LGR6: variants seen among roughly 807,000 people sequenced by gnomAD.
The protein encoded by LGR6 is leucine-rich repeat-containing G protein-coupled receptor 6.
LGR6 carries 45 observed loss-of-function variants against 69.4 expected under a neutral mutation model. The observed-to-expected ratio is 0.65, with a 90% CI of 0.51 to 0.83. The LOEUF is 0.83. Among genes scored for constraint, LGR6 ranks in the 40% least tolerant of loss-of-function variants. LGR6 has a pLI of 0.00. For missense variants in LGR6, 1,108 were observed against 1,246.7 expected, an observed-to-expected ratio of 0.89 and a Z score of 1.68; for synonymous variants, 538 against 555.0, an observed-to-expected ratio of 0.97 and a Z score of 0.43.
At chr1:202,307,204 C>A (rs1653301975) in intron 13 of LGR6, 126 bp from the exon 14 acceptor site, 8 of 949,076 alleles carry the variant, frequency 8.4e-6, no homozygotes, top group Non-Finnish European at 1.3e-5. Flanking sequence ...GTACCTTCCC[C>A]AAAAGGCAAA....
intron 1 of LGR6, chr1:202,194,603 G>A (rs1658562620): frequency 1.8e-6 from 1 of 544,974 alleles, no homozygotes; most frequent in African/African-American, 1.9e-5. Flanking sequence ...GGAGGTGGAG[G>A]TGAGGGGAGC....
chr1:202,288,031 G>T (rs1666521923), intron 6 of LGR6, among the ~76,000 whole-genome samples: 1 of 151,938 alleles, frequency 6.6e-6, no homozygotes, highest in African/African-American at 2.4e-5. Flanking sequence ...TTCTGTACTG[G>T]TCTACAAGGC....
At chr1:202,198,767 A>G (rs1395973233) in intron 1 of LGR6, among the ~76,000 whole-genome samples, 1 of 149,944 alleles carries the variant, frequency 6.7e-6, no homozygotes, top group Non-Finnish European at 1.5e-5. Context: ...GCTCCCTTAC[A>G]TGGTCTAGAC....
chr1:202,282,318 G>T (rs1352558837), intron 6 of LGR6, among the ~76,000 whole-genome samples: 1 of 152,168 alleles, frequency 6.6e-6, no homozygotes, highest in African/African-American at 2.4e-5. Flanking sequence ...AGGTGTCATG[G>T]CCTGCCCAGA....
Position 202,194,017 on chromosome 1 carries a change from C to G in LGR6, c.28C>G (p.Leu10Val). 1 of 1,389,226 alleles carries G rather than the reference C, an allele frequency of 7.2e-7. No homozygotes were observed. Among genetic ancestry groups the G allele is most frequent in the South Asian group, 1.6e-5 (1 of 63,662 alleles). 86.1% of individuals were successfully genotyped at this position (1,389,226 alleles called of 1,614,324 possible). The change falls in exon 1 of 18, where the codon CTA (leucine) becomes GTA (valine). Residue 10 changes from leucine to valine, a missense_variant. Transcript: ENST00000367278. MPSPPGLRA[L>V]WLCAALCASR... Reference sequence around the variant, plus strand: ...GCCCAGCCCGCCGGGGCTCCGGGCGCTATGGCTTTGCGCCGCGCTGTGCGC... The same window carrying G: ...GCCCAGCCCGCCGGGGCTCCGGGCGGTATGGCTTTGCGCCGCGCTGTGCGC...
At chr1:202,239,004 C>T (rs907335268) in intron 4 of LGR6, among the ~76,000 whole-genome samples, 2 of 152,144 alleles carry the variant, frequency 1.3e-5, no homozygotes, top group African/African-American at 2.4e-5. Flanking sequence ...AAAATGGCGT[C>T]AGCCCCAAGT....
At chr1:202,210,069 A>C (rs894734965) in intron 1 of LGR6, among the ~76,000 whole-genome samples, 2 of 152,186 alleles carry the variant, frequency 1.3e-5, no homozygotes, top group Non-Finnish European at 2.9e-5. Flanking sequence ...GGGTATTTGG[A>C]AGAGGCAAGG....
At chr1:202,237,670 G>A (rs1661697498) in intron 4 of LGR6, among the ~76,000 whole-genome samples, 2 of 152,204 alleles carry the variant, frequency 1.3e-5, no homozygotes, top group Non-Finnish European at 2.9e-5. Flanking sequence ...GGGAGAACCA[G>A]ACCATTAGCT....
At chr1:202,250,339 C>T (rs1402663576) in intron 4 of LGR6, among the ~76,000 whole-genome samples, 3 of 151,924 alleles carry the variant, frequency 2.0e-5, no homozygotes, top group Non-Finnish European at 4.4e-5. Flanking sequence ...ACTCTGAGTT[C>T]TACAAGGTTG....
At chr1:202,244,552 A>G (rs1332465379) in intron 4 of LGR6, among the ~76,000 whole-genome samples, 1 of 150,964 alleles carries the variant, frequency 6.6e-6, no homozygotes, top group Non-Finnish European at 1.5e-5. Flanking sequence ...GCATCACTCC[A>G]GTCTCTGCCT....
chr1:202,267,436 T>C (rs1664762613), intron 4 of LGR6, among the ~76,000 whole-genome samples: 1 of 152,180 alleles, frequency 6.6e-6, no homozygotes, highest in Non-Finnish European at 1.5e-5. Flanking sequence ...GCTAGGAGTG[T>C]ACTCTTTAAC....
At chr1:202,253,100 G>A (rs1214267678) in intron 4 of LGR6, among the ~76,000 whole-genome samples, 1 of 152,156 alleles carries the variant, frequency 6.6e-6, no homozygotes, top group African/African-American at 2.4e-5. Context: ...TCTGAAAATA[G>A]TGCTGCTTTT....
At chr1:202,273,750 C>T (rs1013416344) in intron 4 of LGR6, among the ~76,000 whole-genome samples, 3 of 152,138 alleles carry the variant, frequency 2.0e-5, no homozygotes, top group Non-Finnish European at 4.4e-5. Context: ...GCTACCGTGC[C>T]CGGTCATCAA....
In LGR6 at chr1:202,304,622, C is replaced by T; in HGVS notation, c.1062C>T (p.Leu354=). The T allele has an allele frequency of 1.9e-6, 3 of 1,609,154 alleles. No individual in the cohort carries two copies. The highest frequency in any genetic ancestry group is 2.6e-6 in the Non-Finnish European group (3 of 1,176,312). ...PSGMCQQLPR[L]RVLELSHNQI... The stretch of plus-strand genomic sequence containing the variant: ...GGATGTGCCAACAGCTGCCCAGGCT[C>T]CGAGTCCTGTGAGTGCTCACAAGAA... Residue 354 remains leucine (L), a synonymous_variant, in exon 11 of 18, where the codon CTC becomes CTT. Coordinates refer to ENST00000367278, the MANE Select transcript of LGR6 (RefSeq NM_001017403.2).
At chr1:202,281,171 C>T (rs574135529) in intron 6 of LGR6, among the ~76,000 whole-genome samples, 3 of 152,130 alleles carry the variant, frequency 2.0e-5, no homozygotes, top group South Asian at 2.1e-4. Context: ...CTGCAAGAAG[C>T]TCAAGGAATT....
intron 4 of LGR6, among the ~76,000 whole-genome samples, chr1:202,260,191 AC>A (rs1337705273): frequency 2.0e-5 from 3 of 146,370 alleles, no homozygotes; most frequent in African/African-American, 7.6e-5. Flanking sequence ...GGCATGTGTC[AC>A]CACGCCCAGT....
chr1:202,300,218 AAGG>A (rs1667481095), intron 7 of LGR6, among the ~76,000 whole-genome samples: 1 of 152,172 alleles, frequency 6.6e-6, no homozygotes, highest in African/African-American at 2.4e-5. Context: ...ACAAATGACT[AAGG>A]AGAGGATTCC....
intron 1 of LGR6, among the ~76,000 whole-genome samples, chr1:202,213,383 C>G (rs1659537353): frequency 6.6e-6 from 1 of 152,110 alleles, no homozygotes; most frequent in Non-Finnish European, 1.5e-5. Flanking sequence ...AGCCCTTTGC[C>G]TTTCCTTGGA....
intron 4 of LGR6, 92 bp from the exon 5 acceptor site, chr1:202,276,214 C>T: frequency 1.0e-6 from 1 of 999,008 alleles, no homozygotes; most frequent in Non-Finnish European, 1.5e-6. Flanking sequence ...GCCTCAAAGG[C>T]CCTGTTGAGG....
Sources: gnomAD v4.1 joint callset for allele counts (sites outside exome capture counted in the v4.1 genomes callset) on GRCh38, gnomAD v4.1.1 for gene constraint, MANE v1.5 for transcripts, NCBI Gene and HGNC (gene_info 2026-07-23, HGNC 2026-07-21) for gene names.